The following SLCO2A1 variants were observed in gnomAD, a reference collection of about 807,000 sequenced individuals.
SLCO2A1 encodes solute carrier organic anion transporter family member 2A1.
A neutral mutation model predicts 71.7 loss-of-function variants in SLCO2A1; 60 were observed. That is an observed-to-expected ratio of 0.84 (90% CI 0.68 to 1.04). The LOEUF (loss-of-function observed/expected upper bound fraction) is 1.04. Ranked by LOEUF, SLCO2A1 falls within the 50% of genes least tolerant of loss-of-function variation. The pLI is 0.00. For synonymous variants in SLCO2A1, 308 were observed against 326.7 expected (o/e 0.94, Z 0.62); for missense variants, 745 against 813.4 (o/e 0.92, Z 1.02).
At chr3:133,996,648 T>C (rs1934972183) in intron 1 of SLCO2A1, among the ~76,000 whole-genome samples, 1 of 152,180 alleles carries the variant, frequency 6.6e-6, no homozygotes, top group Admixed American at 6.5e-5. Context: ...CACCCTGGCA[T>C]TCCCCTGCCT....
chr3:133,969,148 C>A (rs994305071), intron 3 of SLCO2A1, among the ~76,000 whole-genome samples: 1 of 152,168 alleles, frequency 6.6e-6, no homozygotes, highest in Non-Finnish European at 1.5e-5. Context: ...ATATGCTGAG[C>A]AGGTCAGGCG....
At chr3:133,978,004 TA>T (rs1934499206) in intron 2 of SLCO2A1, among the ~76,000 whole-genome samples, 1 of 152,002 alleles carries the variant, frequency 6.6e-6, no homozygotes, top group African/African-American at 2.4e-5. Flanking sequence ...GGCACACACA[TA>T]GGCCTGGAAG....
intron 3 of SLCO2A1, among the ~76,000 whole-genome samples, chr3:133,972,762 G>A (rs9845798): frequency 0.34 from 51,920 of 151,966 alleles, 9,531 homozygotes; most frequent in African/African-American, 0.48. Flanking sequence ...AATCCTGTTT[G>A]TAGCTAAACT....
At position 133,968,721 on chromosome 3, in the gene SLCO2A1, C is replaced by T. The variant is rs149076065; in HGVS notation, c.397+4942G>A. 1.1e-3 allele frequency among the ~76,000 whole-genome samples: 166 copies of T among 152,290 alleles called. 1 individual carries two copies. The East Asian group carries it at 0.026, about 24-fold the overall frequency. The stretch of plus-strand genomic sequence containing the variant: ...CCTAGTCCTACCAGACACTGGTTTC[C>T]GAAGCCCCTTCTCTTATCTCCTGGG... On this transcript the variant is annotated intron_variant, in intron 3 of 13. Transcript: ENST00000310926.
intron 4 of SLCO2A1, among the ~76,000 whole-genome samples, chr3:133,954,477 G>A (rs565733963): frequency 6.6e-5 from 10 of 152,298 alleles, no homozygotes; most frequent in Admixed American, 3.9e-4. Context: ...TGGCTTGTTC[G>A]AAGGGAAGGA....
intron 3 of SLCO2A1, among the ~76,000 whole-genome samples, chr3:133,963,052 G>A (rs1418640978): frequency 6.6e-6 from 1 of 152,178 alleles, no homozygotes; most frequent in African/African-American, 2.4e-5. Flanking sequence ...AGTTTTCACA[G>A]GGCTGTGAAA....
rs1173320112 is a variant in SLCO2A1 at position 133,942,674 on chromosome 3, A to G, written c.1556T>C (p.Ile519Thr). The stretch of plus-strand genomic sequence containing the variant: ...CAGGGACACGAAGGAGATGAGGAAG[A>G]TGGCCGGGAGCAGGAAGTGGGCACA... The part of the protein sequence containing the change: ...VPCAHFLLPA[I>T]FLISFVSLIA... The change falls in exon 11 of 14, where the codon ATC becomes ACC. Residue 519 changes from isoleucine (I) to threonine (T), a missense_variant. Coordinates refer to ENST00000310926, the MANE Select transcript of SLCO2A1 (RefSeq NM_005630.3). 1.2e-6 allele frequency: 2 copies of G among 1,613,872 alleles called. No individual in the cohort carries two copies.
chr3:134,002,424 A>G (rs960170723), intron 1 of SLCO2A1, among the ~76,000 whole-genome samples: 8 of 152,210 alleles, frequency 5.3e-5, no homozygotes, highest in Non-Finnish European at 1.2e-4. Flanking sequence ...CCTCCCATCA[A>G]TGACAGCTCC....
chr3:133,982,348 TG>T (rs68148756), intron 1 of SLCO2A1, among the ~76,000 whole-genome samples: 19,118 of 152,172 alleles, frequency 0.13, 1,457 homozygotes, highest in Non-Finnish European at 0.16. Flanking sequence ...ATTCTGCACC[TG>T]CTCATAGGCA....
At chr3:133,953,326 C>T (rs367663278) in intron 5 of SLCO2A1, among the ~76,000 whole-genome samples, 33 of 152,360 alleles carry the variant, frequency 2.2e-4, no homozygotes, top group Admixed American at 8.5e-4. Context: ...CTTGAGCCAC[C>T]GCACCCAGCC....
intron 11 of SLCO2A1, among the ~76,000 whole-genome samples, chr3:133,938,730 C>T (rs1933338887): frequency 6.6e-6 from 1 of 152,096 alleles, no homozygotes; most frequent in African/African-American, 2.4e-5. Context: ...GATTTTCAGG[C>T]CCACCCCAGA....
At chr3:133,991,024 C>G (rs1559949169) in intron 1 of SLCO2A1, among the ~76,000 whole-genome samples, 1 of 152,016 alleles carries the variant, frequency 6.6e-6, no homozygotes. Context: ...GCAGGAGAAT[C>G]GCTTAAACCT....
intron 1 of SLCO2A1, among the ~76,000 whole-genome samples, chr3:134,026,835 T>C (rs1340051365): frequency 1.3e-5 from 2 of 152,226 alleles, no homozygotes; most frequent in Non-Finnish European, 2.9e-5. Context: ...GGGCAAGTAG[T>C]TGAAGACACA....
chr3:133,948,645 G>A lies in SLCO2A1; in HGVS notation c.996C>T (p.Val332=). ...LLMNSLFVLV[V]LAQCTFSSVI... The stretch of plus-strand genomic sequence containing the variant: ...CGGAGGAGAAGGTGCACTGGGCCAG[G>A]ACCACCAGGACGAAGAGTGAGTTCA... Residue 332 remains valine (V), a synonymous_variant, in exon 8 of 14, where the codon GTC becomes GTT. Coordinates refer to ENST00000310926, the MANE Select transcript of SLCO2A1 (RefSeq NM_005630.3). 1.2e-6 allele frequency: 2 copies of A among 1,614,114 alleles called. No homozygotes were observed. The highest frequency in any genetic ancestry group is 1.7e-6 in the Non-Finnish European group (2 of 1,180,008).
intron 1 of SLCO2A1, among the ~76,000 whole-genome samples, chr3:133,987,808 CAGG>C (rs1559947835): frequency 6.6e-6 from 1 of 152,178 alleles, no homozygotes; most frequent in Non-Finnish European, 1.5e-5. Flanking sequence ...CCATTCAGGG[CAGG>C]AGATGTGGCT....
chr3:133,963,299 G>A (rs963511514), intron 3 of SLCO2A1, among the ~76,000 whole-genome samples: 1 of 151,328 alleles, frequency 6.6e-6, no homozygotes, highest in African/African-American at 2.4e-5. Flanking sequence ...GTCTAGCCAT[G>A]CCGGTGTTCA....
intron 3 of SLCO2A1, among the ~76,000 whole-genome samples, chr3:133,969,370 C>T: frequency 6.6e-6 from 1 of 152,082 alleles, no homozygotes. Flanking sequence ...GCAGAGGTTG[C>T]AGTGAGCCGA....
chr3:133,941,602 G>A (rs1048512027), intron 11 of SLCO2A1, among the ~76,000 whole-genome samples: 4 of 152,004 alleles, frequency 2.6e-5, no homozygotes, highest in African/African-American at 7.2e-5. Context: ...TCTCCTTGCA[G>A]CCAGTGAGGT....
chr3:134,013,527 T>C (rs184660943), intron 1 of SLCO2A1, among the ~76,000 whole-genome samples: 287 of 152,312 alleles, frequency 1.9e-3, no homozygotes, highest in Non-Finnish European at 2.9e-3. Context: ...CCAGGAATTT[T>C]CTGATGTCCA....
Sources: gnomAD v4.1 joint callset for allele counts (sites outside exome capture counted in the v4.1 genomes callset) on GRCh38, gnomAD v4.1.1 for gene constraint, MANE v1.5 for transcripts, NCBI Gene and HGNC (gene_info 2026-07-23, HGNC 2026-07-21) for gene names.